THUMPD3: variants seen among roughly 807,000 people sequenced by gnomAD.
THUMPD3 encodes tRNA (guanine(6)-N(2))-methyltransferase THUMP3.
Under a neutral mutation model 54.5 loss-of-function variants are expected in THUMPD3, and 44 were observed. The ratio of observed to expected loss-of-function variants is 0.81; its 90% CI spans 0.63 to 1.04. The LOEUF (loss-of-function observed/expected upper bound fraction) is 1.04, where lower values mean the gene tolerates loss of function less well. THUMPD3 is among the 50% of genes least tolerant of loss of function. The probability of loss-of-function intolerance (pLI) is 0.00; values close to 1 mark genes in which losing one functional copy is unlikely to be tolerated. For missense variants in THUMPD3, 604 were observed against 601.3 expected, an observed-to-expected ratio of 1.00 and a Z score of -0.05; for synonymous variants, 196 against 201.4, an observed-to-expected ratio of 0.97 and a Z score of 0.23.
At chr3:9,368,716 G>T (rs775331984) in intron 3 of THUMPD3, among the ~76,000 whole-genome samples, 36 of 152,252 alleles carry the variant, frequency 2.4e-4, no homozygotes, top group Non-Finnish European at 4.7e-4. Flanking sequence ...GGTTTTTAAA[G>T]ACTAGTTAAT....
intron 3 of THUMPD3, among the ~76,000 whole-genome samples, chr3:9,367,611 T>C (rs145260722): frequency 2.0e-5 from 3 of 152,376 alleles, no homozygotes; most frequent in African/African-American, 7.2e-5. Flanking sequence ...CAGTTTTACG[T>C]ATCTTAGAAA....
chr3:9,373,412 T>C (rs1170048114), intron 4 of THUMPD3, among the ~76,000 whole-genome samples: 1 of 152,074 alleles, frequency 6.6e-6, no homozygotes, highest in African/African-American at 2.4e-5. Context: ...AAGAGATTGC[T>C]TGAGCCCAGG....
intron 3 of THUMPD3, 144 bp from the exon 4 acceptor site, chr3:9,370,916 T>G (rs1373045863): frequency 1.5e-6 from 1 of 682,990 alleles, no homozygotes; most frequent in East Asian, 2.6e-5. Flanking sequence ...GAGGGACTTT[T>G]GAGCATCTTT....
intron 3 of THUMPD3, among the ~76,000 whole-genome samples, chr3:9,370,673 TAAGTTC>T (rs1313010517): frequency 2.0e-5 from 3 of 152,218 alleles, no homozygotes; most frequent in African/African-American, 7.2e-5. Context: ...CTCAAACTCC[TAAGTTC>T]AAGTGATCCA....
chr3:9,384,647 C>T lies in THUMPD3; in HGVS notation c.1483C>T (p.Gln495Ter), dbSNP rs191151779. 18 of 1,614,066 alleles carry T rather than the reference C, an allele frequency of 1.1e-5. 1 individual carries two copies. The highest frequency in any genetic ancestry group is 1.0e-4 in the Admixed American group (6 of 60,006). Residue 495 changes from glutamine (Q) to a stop codon, truncating the protein, a stop_gained, in exon 10 of 10, where the codon CAA becomes TAA. Transcript: ENST00000452837. LOFTEE classifies it high-confidence loss of function. ...TCAAGCTTTTGTTCATCCTTCAGAA[C>T]AAGACGGAGAAAGAGGAACTCTTTG... ...TPQAFVHPSE[Q>*]DGERGTLWQC...
At chr3:9,363,214 G>A (rs2031038992) in intron 1 of THUMPD3, 87 bp downstream of exon 1, 1 of 152,286 alleles carries the variant, frequency 6.6e-6, no homozygotes, top group Non-Finnish European at 1.5e-5. Flanking sequence ...TCTTGCAGTT[G>A]AGGCCGGCGC....
chr3:9,367,137 G>A, intron 3 of THUMPD3, 152 bp downstream of exon 3: 1 of 563,856 alleles, frequency 1.8e-6, no homozygotes, highest in Non-Finnish European at 3.1e-6. Context: ...GAGTTTTGCT[G>A]ACAGTCTATC....
Position 9,365,278 on chromosome 3 carries a change from T to C in THUMPD3, c.210T>C (p.Arg70=). ...CATCATGCAAAATCAGCAGAGACCG[T>C]GGCAAGATATATTTTGTCATTTCAG... ...LGSSCKISRD[R]GKIYFVISVE... Residue 70 remains arginine, a synonymous_variant, in exon 2 of 10, where the codon CGT becomes CGC. Transcript: ENST00000452837. 6.2e-7 allele frequency: 1 copy of C among 1,614,218 alleles called. No homozygotes were observed. Among genetic ancestry groups the C allele is most frequent in the Non-Finnish European group, 8.5e-7 (1 of 1,180,034 alleles).
rs116431697 is a variant in THUMPD3, at chr3:9,373,988, A to G, written c.808-528A>G. Among the ~76,000 whole-genome samples, 542 of 152,336 alleles carry G rather than the reference A, an allele frequency of 3.6e-3. 3 individuals are homozygous for G. Among genetic ancestry groups the G allele is most frequent in the African/African-American group, 0.012 (513 of 41,570 alleles). On this transcript the variant is annotated intron_variant, in intron 4 of 9. Transcript: ENST00000452837. ...TTAAGTTTTCAGTAAGTTTTTACTT[A>G]TATACACGATGTGTAAACAGCATCC...
chr3:9,364,319 T>G (rs1171314151), intron 1 of THUMPD3, among the ~76,000 whole-genome samples: 2 of 150,626 alleles, frequency 1.3e-5, no homozygotes, highest in African/African-American at 4.9e-5. Context: ...AAGCCCCATA[T>G]TATTATTATT....
intron 5 of THUMPD3, 66 bp downstream of exon 5, chr3:9,374,712 CTGATTTGTGTGTA>C: frequency 6.4e-7 from 1 of 1,570,336 alleles, no homozygotes. Flanking sequence ...CTTCAAAATA[CTGATTTGTGTGTA>C]TGTGTGTTTG....
Position 9,365,179 on chromosome 3 carries a change from A to G in THUMPD3, c.111A>G (p.Leu37=). ...ESDLGSESEL[L]VTIGATVPTG... ...ACCTCGGAAGTGAATCTGAGCTTCT[A>G]GTCACTATTGGAGCCACTGTACCTA... Residue 37 remains leucine, a synonymous_variant, in exon 2 of 10, where the codon CTA becomes CTG. Transcript: ENST00000452837. 3 of 1,614,170 alleles carry G rather than the reference A, an allele frequency of 1.9e-6. No homozygotes were observed. The highest frequency in any genetic ancestry group is 2.5e-6 in the Non-Finnish European group (3 of 1,180,036).
intron 1 of THUMPD3, chr3:9,363,863 G>A (rs1194515918): frequency 7.3e-6 from 1 of 136,854 alleles, no homozygotes; most frequent in Non-Finnish European, 1.5e-5. Context: ...AGGCTGGAGT[G>A]CAGTCCTCCC....
intron 4 of THUMPD3, among the ~76,000 whole-genome samples, chr3:9,374,117 T>G (rs187719609): frequency 3.3e-5 from 5 of 152,298 alleles, no homozygotes; most frequent in African/African-American, 1.2e-4. Flanking sequence ...CACCAAAAAT[T>G]CGTTTTGCCA....
rs1342081839 is a variant in THUMPD3 at position 9,384,648 on chromosome 3, A to C, written c.1484A>C (p.Gln495Pro). The change falls in exon 10 of 10, where the codon CAA (glutamine) becomes CCA (proline). Residue 495 changes from glutamine (Q) to proline (P), a missense_variant. By Grantham distance (76) the Gln-to-Pro change is moderately conservative. Coordinates refer to ENST00000452837, the MANE Select transcript of THUMPD3 (RefSeq NM_001114092.2). ...TPQAFVHPSE[Q>P]DGERGTLWQC... ...CAAGCTTTTGTTCATCCTTCAGAAC[A>C]AGACGGAGAAAGAGGAACTCTTTGG... The C allele has an allele frequency of 4.3e-6, 7 of 1,614,120 alleles. No individual in the cohort carries two copies. The African/African-American group carries it at 8.0e-5, about 18-fold the overall frequency.
chr3:9,380,463 GTTTGCTAC>G lies in THUMPD3; in HGVS notation c.1009-36_1009-29del, dbSNP rs779059126. On this transcript the variant is annotated intron_variant, in intron 6 of 9. Coordinates refer to ENST00000452837, the MANE Select transcript of THUMPD3 (RefSeq NM_001114092.2). ...GTTGACAATTTAATCATATTTTACA[GTTTGCTAC>G]TTTTGTTTTAACATACACTCTTATC... 13 of 1,341,300 alleles carry G rather than the reference GTTTGCTAC, an allele frequency of 9.7e-6. No individual in the cohort carries two copies. The African/African-American group carries it at 1.7e-4, about 18-fold the overall frequency. 83.1% of individuals were successfully genotyped at this position (1,341,300 alleles called of 1,614,324 possible).
At chr3:9,383,811 A>C (rs1034069077) in intron 8 of THUMPD3, among the ~76,000 whole-genome samples, 2 of 152,170 alleles carry the variant, frequency 1.3e-5, no homozygotes, top group Admixed American at 6.5e-5. Context: ...TTTAAAAGAC[A>C]GGGTTTCACC....
intron 4 of THUMPD3, among the ~76,000 whole-genome samples, chr3:9,372,890 T>C (rs1288898554): frequency 6.6e-6 from 1 of 152,210 alleles, no homozygotes; most frequent in Non-Finnish European, 1.5e-5. Context: ...GGCAAGTCAC[T>C]GATTCTAACT....
chr3:9,382,963 C>A, intron 7 of THUMPD3: 1 of 366,112 alleles, frequency 2.7e-6, no homozygotes, highest in Non-Finnish European at 5.1e-6. Flanking sequence ...TCCTGGAGTC[C>A]AGTGATCCTC....
Sources: allele counts gnomAD v4.1 joint callset (sites outside exome capture counted in the v4.1 genomes callset), GRCh38; gene constraint gnomAD v4.1.1; transcripts MANE v1.5; gene names NCBI Gene and HGNC (gene_info 2026-07-23, HGNC 2026-07-21).